Variants in SLC6A16 observed in about 807,000 individuals in gnomAD.
The protein encoded by SLC6A16 is orphan sodium- and chloride-dependent neurotransmitter transporter NTT5.
SLC6A16 carries 54 observed loss-of-function variants against 65.4 expected under a neutral mutation model. That is an observed-to-expected ratio of 0.83 (90% confidence interval 0.66 to 1.04). The LOEUF is 1.04. Among genes scored for constraint, SLC6A16 ranks in the 50% least tolerant of loss-of-function variants. The pLI is 0.00. For synonymous variants in SLC6A16, 330 were observed against 346.5 expected, an observed-to-expected ratio of 0.95 and a Z score of 0.53; for missense variants, 816 against 914.0, an observed-to-expected ratio of 0.89 and a Z score of 1.38.
At chr19:49,328,109 T>C (rs1170513909), upstream of SLC6A16, among the ~76,000 whole-genome samples, 1 of 152,186 alleles carries the variant, frequency 6.6e-6, no homozygotes, top group East Asian at 1.9e-4. Context: ...ATAGCATGTA[T>C]GGGTGTATTC....
At chr19:49,309,509 T>G in intron 5 of SLC6A16, 98 bp from the exon 6 acceptor site, 1 of 1,271,800 alleles carries the variant, frequency 7.9e-7, no homozygotes, top group Non-Finnish European at 1.1e-6. Context: ...TGAGTAGGAG[T>G]TAGAAGAAAG....
chr19:49,309,301 C>T lies in SLC6A16; in HGVS notation c.987G>A (p.Lys329=). The change falls in exon 6 of 12, where the codon AAG becomes AAA. Residue 329 remains lysine (K), a splice_region_variant and synonymous_variant. Transcript: ENST00000335875. The part of the protein sequence containing the change: ...KFGLQQLVVA[K]ISDVYNMSVW... ...GGGGGAGTGAGGAGATAGATTTCAC[C>T]TTGGCAACCACCAACTGTTGAAGGC... 6.2e-7 allele frequency: 1 copy of T among 1,610,458 alleles called. No individual in the cohort carries two copies. Among genetic ancestry groups the T allele is most frequent in the Non-Finnish European group, 8.5e-7 (1 of 1,176,714 alleles).
chr19:49,331,593 T>A, the SLC6A16 span: 22 of 360,310 alleles, frequency 6.1e-5, no homozygotes, highest in Non-Finnish European at 1.2e-4. Context: ...TCTTAGTAGC[T>A]TAATACAACA....
chr19:49,308,812 G>A lies in SLC6A16; in HGVS notation c.1229+64C>T, dbSNP rs772627748. 1.9e-6 allele frequency: 3 copies of A among 1,598,934 alleles called. No individual in the cohort carries two copies. In the South Asian group the frequency reaches 3.3e-5, roughly 18 times the overall value. On this transcript the variant is annotated intron_variant, in intron 7 of 11. Transcript: ENST00000335875. ...CATGGGTCTTTGCAGCACCTTTAAGGTTAGGGTCTCAGGGTTTTAAAGTTC... is the reference window on the plus strand; with the variant it reads ...CATGGGTCTTTGCAGCACCTTTAAGATTAGGGTCTCAGGGTTTTAAAGTTC...
At chr19:49,308,745 G>T in intron 7 of SLC6A16, 131 bp downstream of exon 7, 1 of 1,005,364 alleles carries the variant, frequency 9.9e-7, no homozygotes, top group Non-Finnish European at 1.5e-6. Flanking sequence ...CTATGGGGAA[G>T]GTAGAGGGCT....
chr19:49,329,860 C>T (rs533485574), upstream of SLC6A16, among the ~76,000 whole-genome samples: 230 of 152,108 alleles, frequency 1.5e-3, no homozygotes, highest in Middle Eastern at 6.8e-3. Context: ...GTCTCGATCT[C>T]CTGAACTCGT....
chr19:49,315,476 G>A (rs1192178407), intron 1 of SLC6A16, among the ~76,000 whole-genome samples: 1 of 152,160 alleles, frequency 6.6e-6, no homozygotes, highest in Non-Finnish European at 1.5e-5. Context: ...AGAAAAGGCT[G>A]AAGAAAAAAT....
chr19:49,326,485 T>C (rs192271856), upstream of SLC6A16, among the ~76,000 whole-genome samples: 2 of 152,304 alleles, frequency 1.3e-5, no homozygotes, highest in African/African-American at 2.4e-5. Flanking sequence ...AAGGCTTAAA[T>C]TGTTATGATT....
Position 49,292,528 on chromosome 19 carries a change from A to G in SLC6A16, c.1778+695T>C, listed in dbSNP as rs1008830248. ...CCTGAAAATGTCATTCTCCTACTCAAAACCCTCCAATGCTTCATCTGCCAT... is the reference window on the plus strand; with the variant it reads ...CCTGAAAATGTCATTCTCCTACTCAGAACCCTCCAATGCTTCATCTGCCAT... On this transcript the variant is annotated intron_variant, in intron 10 of 11. Transcript: ENST00000335875. This position sits in a 1 kb window ranked among gnomAD's most constrained non-coding sequence, Gnocchi z 4.3. 1.8e-4 allele frequency among the ~76,000 whole-genome samples: 27 copies of G among 152,130 alleles called. No homozygotes were observed. Among genetic ancestry groups the G allele is most frequent in the African/African-American group, 6.3e-4 (26 of 41,436 alleles).
Position 49,323,866 on chromosome 19 carries a change from AC to A in SLC6A16, c.-65+1181del, listed in dbSNP as rs774234463. ...CCAGCAATTCCACTTCTGGGTATAC[AC>A]CCAAAATAAGTGAAAACCAAGCCTC... On this transcript the variant is annotated intron_variant, in intron 1 of 11. Coordinates refer to ENST00000335875, the MANE Select transcript of SLC6A16 (RefSeq NM_014037.3). 7.9e-5 allele frequency among the ~76,000 whole-genome samples: 12 copies of A among 152,244 alleles called. No homozygotes were observed. In the East Asian group the frequency reaches 2.3e-3, roughly 29 times the overall value.
At chr19:49,298,321 A>C (rs1160173106) in intron 7 of SLC6A16, among the ~76,000 whole-genome samples, 1 of 152,208 alleles carries the variant, frequency 6.6e-6, no homozygotes, top group African/African-American at 2.4e-5. Flanking sequence ...TGAAGGAGAG[A>C]AAATATTTGC....
chr19:49,325,291 C>T, upstream of SLC6A16: 1 of 949,604 alleles, frequency 1.1e-6, no homozygotes, highest in African/African-American at 1.8e-5. Flanking sequence ...CCACTTCGCC[C>T]TCCCCAACTC....
chr19:49,339,479 G>T, the SLC6A16 span: 1 of 1,558,370 alleles, frequency 6.4e-7, no homozygotes. The surrounding 1 kb of genome is among the most constrained non-coding windows in gnomAD (Gnocchi z 4.5). Flanking sequence ...CCTTCATTTC[G>T]CGTCCTTCGG....
At position 49,309,384 on chromosome 19, in the gene SLC6A16, A is replaced by G; in HGVS notation, c.904T>C (p.Cys302Arg). The G allele has an allele frequency of 6.2e-7, 1 of 1,614,060 alleles. No homozygotes were observed. The change falls in exon 6 of 12, where the codon TGT becomes CGT. Residue 302 changes from cysteine (C) to arginine (R), a missense_variant. Transcript: ENST00000335875. Reference sequence around the variant, plus strand: ...ATGAAGAAACCGACAATGATGAAACAGGGGAGCAGTACCAAGACATAGATT... The same window carrying G: ...ATGAAGAAACCGACAATGATGAAACGGGGGAGCAGTACCAAGACATAGATT... Reference protein sequence around the residue: ...KVIYVLVLLPCFIIVGFFIRT... With the variant: ...KVIYVLVLLPRFIIVGFFIRT...
chr19:49,294,635 A>G, intron 7 of SLC6A16, 82 bp from the exon 8 acceptor site: 1 of 1,291,700 alleles, frequency 7.7e-7, no homozygotes, highest in South Asian at 1.4e-5. Context: ...CAAGATAAAA[A>G]AGGCTATCAC....
At chr19:49,339,898 C>T in the SLC6A16 span, 1 of 1,347,494 alleles carries the variant, frequency 7.4e-7, no homozygotes, top group East Asian at 3.1e-5. This position sits in a 1 kb window ranked among gnomAD's most constrained non-coding sequence, Gnocchi z 4.5. Context: ...GCTGTGGGTT[C>T]AAGACGAGGA....
intron 8 of SLC6A16, 44 bp downstream of exon 8, chr19:49,294,323 G>C: frequency 6.3e-7 from 1 of 1,581,340 alleles, no homozygotes; most frequent in African/African-American, 1.3e-5. Flanking sequence ...TGTGCTAAAG[G>C]CTTTCAGGAA....
intron 1 of SLC6A16, among the ~76,000 whole-genome samples, chr19:49,323,756 C>T (rs1970753581): frequency 6.6e-6 from 1 of 152,162 alleles, no homozygotes; most frequent in African/African-American, 2.4e-5. Flanking sequence ...TTGTGCCTTG[C>T]TGGTCAGAAT....
chr19:49,338,999 T>C, the SLC6A16 span: 2 of 1,280,134 alleles, frequency 1.6e-6, no homozygotes, highest in Non-Finnish European at 1.1e-6. This position sits in a 1 kb window ranked among gnomAD's most constrained non-coding sequence, Gnocchi z 5.0. Flanking sequence ...GGGGGAGGGC[T>C]GTCAGTGAGT....
Sources: allele counts gnomAD v4.1 joint callset (sites outside exome capture counted in the v4.1 genomes callset), GRCh38; gene constraint gnomAD v4.1.1; non-coding constraint Gnocchi (gnomAD v3.1); transcripts MANE v1.5; gene names NCBI Gene and HGNC (gene_info 2026-07-23, HGNC 2026-07-21).